The following PGBD5 variants were observed in gnomAD, a reference collection of about 807,000 sequenced individuals.
The protein encoded by PGBD5 is piggyBac transposable element-derived protein 5.
PGBD5 carries 14 observed loss-of-function variants against 47.9 expected under a neutral mutation model. The observed-to-expected ratio is 0.29, with a 90% confidence interval of 0.19 to 0.46. PGBD5 has a LOEUF of 0.46. PGBD5 is among the 20% of genes least tolerant of loss of function. The probability of loss-of-function intolerance (pLI) is 1.00; values close to 1 mark genes in which losing one functional copy is unlikely to be tolerated. For synonymous variants in PGBD5, 316 were observed against 306.3 expected (o/e 1.03, Z -0.33); for missense variants, 635 against 716.0 (o/e 0.89, Z 1.29).
chr1:230,377,422 G>C (rs1668030144), intron 1 of PGBD5: 8 of 1,455,102 alleles, frequency 5.5e-6, no homozygotes, highest in Admixed American at 1.8e-5. Context: ...TGATGATGAT[G>C]ATGAAGATGC....
chr1:230,376,544 T>C (rs535384513), intron 1 of PGBD5, among the ~76,000 whole-genome samples: 208 of 137,618 alleles, frequency 1.5e-3, no homozygotes, highest in African/African-American at 4.8e-3. Context: ...CTCTGGCTTC[T>C]TGTTGGATGG....
intron 1 of PGBD5, among the ~76,000 whole-genome samples, chr1:230,405,874 A>G (rs1657287573): frequency 6.6e-6 from 1 of 151,636 alleles, no homozygotes; most frequent in African/African-American, 2.4e-5. Context: ...GATTCCCATC[A>G]TGTCTAAGCA....
chr1:230,363,957 T>C (rs1027268964), intron 1 of PGBD5, among the ~76,000 whole-genome samples: 2 of 152,208 alleles, frequency 1.3e-5, no homozygotes, highest in African/African-American at 2.4e-5. Flanking sequence ...GCTAAAGTAA[T>C]CACCATTTCT....
intron 3 of PGBD5, among the ~76,000 whole-genome samples, chr1:230,347,566 G>T (rs965170594): frequency 7.2e-6 from 1 of 138,240 alleles, no homozygotes; most frequent in East Asian, 2.2e-4. Flanking sequence ...TGCAACCTCC[G>T]CCTCCCAGGT....
At chr1:230,403,540 A>C (rs1209469852) in intron 1 of PGBD5, among the ~76,000 whole-genome samples, 1 of 152,230 alleles carries the variant, frequency 6.6e-6, no homozygotes, top group African/African-American at 2.4e-5. Flanking sequence ...TCTTAGAGCC[A>C]AAGGCCTCAG....
intron 1 of PGBD5, among the ~76,000 whole-genome samples, chr1:230,365,292 G>A (rs1667809502): frequency 7.3e-6 from 1 of 137,560 alleles, no homozygotes; most frequent in Non-Finnish European, 1.5e-5. Flanking sequence ...CAGCCTGGGC[G>A]ACAGAAAGAG....
At chr1:230,330,123 T>A (rs780376267) in intron 5 of PGBD5, among the ~76,000 whole-genome samples, 7 of 152,040 alleles carry the variant, frequency 4.6e-5, no homozygotes, top group African/African-American at 1.2e-4. Flanking sequence ...ATAAAAAAAA[T>A]CACTCGAAAT....
chr1:230,344,745 A>C (rs917693398), intron 3 of PGBD5, among the ~76,000 whole-genome samples: 1 of 152,142 alleles, frequency 6.6e-6, no homozygotes, highest in Admixed American at 6.5e-5. Context: ...ACCATCTTGA[A>C]TTCTGGCTTC....
At chr1:230,396,559 G>GCACCC (rs1656983596) in intron 1 of PGBD5, among the ~76,000 whole-genome samples, 1 of 117,564 alleles carries the variant, frequency 8.5e-6, no homozygotes, top group African/African-American at 3.7e-5. Flanking sequence ...ACATTTTGTT[G>GCACCC]CCCCCCCTCC....
chr1:230,389,778 T>C (rs1410071220), intron 1 of PGBD5, among the ~76,000 whole-genome samples: 1 of 152,260 alleles, frequency 6.6e-6, no homozygotes, highest in Admixed American at 6.5e-5. Context: ...AGTTTAGCCT[T>C]ATGCCAACTG....
intron 3 of PGBD5, among the ~76,000 whole-genome samples, chr1:230,342,405 C>T (rs2102694871): frequency 6.6e-6 from 1 of 152,332 alleles, no homozygotes; most frequent in East Asian, 1.9e-4. Flanking sequence ...TTGCTTGAGT[C>T]TTATCTCTAG....
chr1:230,414,990 G>A (rs1357441810), intron 1 of PGBD5, among the ~76,000 whole-genome samples: 4 of 152,200 alleles, frequency 2.6e-5, no homozygotes, highest in Non-Finnish European at 4.4e-5. Context: ...AATAAGCCAG[G>A]TGCAGTGGCT....
chr1:230,339,477 A>C (rs1331904565), intron 3 of PGBD5, among the ~76,000 whole-genome samples: 2 of 152,208 alleles, frequency 1.3e-5, no homozygotes, highest in African/African-American at 2.4e-5. Context: ...AAAATAGAAC[A>C]ACCATAGGAT....
At chr1:230,375,884 T>C (rs973692184) in intron 1 of PGBD5, among the ~76,000 whole-genome samples, 1 of 151,830 alleles carries the variant, frequency 6.6e-6, no homozygotes, top group African/African-American at 2.4e-5. Flanking sequence ...GAGAGTGGAT[T>C]CTGGCACCAA....
chr1:230,335,786 CACACAGGCACAA>C lies in PGBD5; in HGVS notation c.1075+1310_1075+1321del, dbSNP rs1434050099. 6.0e-3 allele frequency among the ~76,000 whole-genome samples: 584 copies of C among 97,028 alleles called. 2 individuals are homozygous for C. The highest frequency in any genetic ancestry group is 0.011 in the Middle Eastern group (2 of 184). The allele number at this position is 97,028 out of a possible 152,430, so 63.7% of individuals were successfully genotyped here. On this transcript the variant is annotated intron_variant, in intron 4 of 6. Coordinates refer to ENST00000391860, the MANE Select transcript of PGBD5 (RefSeq NM_001258311.2). ...ACAGATACAGACAGACACACACACA[CACACAGGCACAA>C]AGACACACAGACACATACACTGACA... is the stretch of plus-strand genomic sequence containing the variant.
At chr1:230,362,379 T>C (rs1391320064) in intron 1 of PGBD5, 1 of 1,364,256 alleles carries the variant, frequency 7.3e-7, no homozygotes, top group Admixed American at 1.9e-5. Context: ...GCCTCTGGCC[T>C]GGATGACAGA....
intron 3 of PGBD5, among the ~76,000 whole-genome samples, chr1:230,347,541 G>A (rs1464386688): frequency 1.4e-5 from 2 of 142,166 alleles, no homozygotes; most frequent in Admixed American, 7.4e-5. Flanking sequence ...GTGCAGTGGT[G>A]CGATCTTGGC....
chr1:230,332,783 C>T (rs1007553867), intron 5 of PGBD5, 61 bp downstream of exon 5: 2 of 1,592,466 alleles, frequency 1.3e-6, no homozygotes, highest in Non-Finnish European at 1.7e-6. Flanking sequence ...CAGCGGTGGG[C>T]TCGGCCAAGC....
In PGBD5 at chr1:230,319,584, A is replaced by T. The variant is rs576077742; in HGVS notation, c.*3841T>A. On this transcript the variant is annotated 3_prime_UTR_variant, in exon 7 of 7. Coordinates refer to ENST00000391860, the MANE Select transcript of PGBD5 (RefSeq NM_001258311.2). ...GGGGGCTGAGCCTGGGTCCCTGGGG[A>T]GGATGGTGACACACGGGCCACACAG... is the stretch of plus-strand genomic sequence containing the variant. The T allele has an allele frequency of 2.0e-5, 3 of 152,038 alleles. No individual in the cohort carries two copies. Among genetic ancestry groups the T allele is most frequent in the East Asian group, 3.9e-4 (2 of 5,126 alleles). 9.4% of individuals were successfully genotyped at this position (152,038 alleles called of 1,614,324 possible). A position where few individuals can be genotyped will look rare whatever the true frequency, so the allele number is the denominator to read the frequency against.
Sources: gnomAD v4.1 joint callset for allele counts (sites outside exome capture counted in the v4.1 genomes callset) on GRCh38, gnomAD v4.1.1 for gene constraint, MANE v1.5 for transcripts, NCBI Gene and HGNC (gene_info 2026-07-23, HGNC 2026-07-21) for gene names.